The following ASB3 variants were observed in gnomAD, a reference collection of about 807,000 sequenced individuals.
The protein encoded by ASB3 is ankyrin repeat and SOCS box protein 3.
In ASB3, 41 loss-of-function variants were observed where a neutral mutation model predicts 54.5. The ratio of observed to expected loss-of-function variants is 0.75; its 90% CI spans 0.59 to 0.98. The LOEUF (loss-of-function observed/expected upper bound fraction) is 0.98. Among genes scored for constraint, ASB3 ranks in the 50% least tolerant of loss-of-function variants. ASB3 has a pLI of 0.00. For synonymous variants in ASB3, 266 were observed against 221.2 expected (o/e 1.20, Z -1.80); for missense variants, 733 against 620.0 (o/e 1.18, Z -1.94).
In ASB3 at chr2:53,706,192, T is replaced by C. The variant is rs574102766; in HGVS notation, c.981-5664A>G. Among the ~76,000 whole-genome samples, 5 of 152,306 alleles carry C rather than the reference T, an allele frequency of 3.3e-5. No individual in the cohort carries two copies. In the East Asian group the frequency reaches 9.6e-4, roughly 29 times the overall value. ...CCCAAAGTCACACAGCCATTATACATCTGTGACTCATCCAAGCCCAAGAAT... is the reference window on the plus strand; with the variant it reads ...CCCAAAGTCACACAGCCATTATACACCTGTGACTCATCCAAGCCCAAGAAT... On this transcript the variant is annotated intron_variant, in intron 7 of 9. Coordinates refer to ENST00000263634, the MANE Select transcript of ASB3 (RefSeq NM_016115.5).
intron 2 of ASB3, chr2:53,757,007 C>G (rs1466904099): frequency 5.9e-6 from 1 of 168,156 alleles, no homozygotes; most frequent in Non-Finnish European, 1.2e-5. Flanking sequence ...AGGTCAAGAA[C>G]CCGAGGTCAG....
At chr2:53,736,499 C>T (rs956343730) in intron 3 of ASB3, among the ~76,000 whole-genome samples, 4 of 150,872 alleles carry the variant, frequency 2.7e-5, no homozygotes, top group African/African-American at 9.8e-5. Context: ...GAAATCGAGA[C>T]CATCCTGGCT....
intron 3 of ASB3, among the ~76,000 whole-genome samples, chr2:53,730,629 CCA>C (rs1671253708): frequency 1.3e-5 from 2 of 152,230 alleles, no homozygotes; most frequent in South Asian, 2.1e-4. Flanking sequence ...ATACCGCTTT[CCA>C]CAATGGTTGA....
intron 5 of ASB3, among the ~76,000 whole-genome samples, chr2:53,726,241 A>T (rs1441719045): frequency 6.6e-6 from 1 of 151,276 alleles, no homozygotes; most frequent in African/African-American, 2.4e-5. Flanking sequence ...GGTGCAGTTT[A>T]ATCTATTTAA....
At chr2:53,736,116 C>T (rs1307178039) in intron 3 of ASB3, among the ~76,000 whole-genome samples, 5 of 151,632 alleles carry the variant, frequency 3.3e-5, no homozygotes, top group Non-Finnish European at 7.4e-5. Context: ...AATTGGACCA[C>T]GTTAAAATTA....
chr2:53,710,840 G>A (rs567378253), intron 7 of ASB3, among the ~76,000 whole-genome samples: 20 of 152,092 alleles, frequency 1.3e-4, no homozygotes, highest in Non-Finnish European at 2.6e-4. Context: ...TCAACATTTT[G>A]GGTTGGCTGG....
chr2:53,686,704 C>CTTATTTAT (rs35080752), intron 9 of ASB3, among the ~76,000 whole-genome samples: 1 of 151,952 alleles, frequency 6.6e-6, no homozygotes, highest in Non-Finnish European at 1.5e-5. Context: ...ATAATTTCTC[C>CTTATTTAT]TTATTTATTT....
chr2:53,721,372 G>A (rs1232056288), intron 5 of ASB3, among the ~76,000 whole-genome samples: 4 of 142,920 alleles, frequency 2.8e-5, no homozygotes, highest in Non-Finnish European at 6.0e-5. Context: ...CTGGAAATGT[G>A]GTGAAACCCC....
At chr2:53,703,399 C>G (rs1000844117) in intron 7 of ASB3, among the ~76,000 whole-genome samples, 2 of 152,080 alleles carry the variant, frequency 1.3e-5, no homozygotes, top group Non-Finnish European at 2.9e-5. Context: ...AGAATACCTA[C>G]CAAAAATGTT....
chr2:53,686,738 CAG>C (rs1261998982), intron 9 of ASB3, among the ~76,000 whole-genome samples: 36 of 152,142 alleles, frequency 2.4e-4, no homozygotes, highest in African/African-American at 8.2e-4. Flanking sequence ...CTGAGAGAGA[CAG>C]AGTTTCATTC....
intron 1 of ASB3, among the ~76,000 whole-genome samples, 177 bp from the exon 2 acceptor site, chr2:53,765,762 T>C (rs1430582603): frequency 1.3e-5 from 2 of 152,214 alleles, no homozygotes; most frequent in Non-Finnish European, 2.9e-5. Context: ...AGCAGGAAGT[T>C]TCTCTGTTTG....
At chr2:53,681,461 G>C (rs1668367749) in intron 9 of ASB3, among the ~76,000 whole-genome samples, 1 of 152,152 alleles carries the variant, frequency 6.6e-6, no homozygotes, top group African/African-American at 2.4e-5. Flanking sequence ...CAATGTACTA[G>C]AGAGTTTCCC....
At chr2:53,759,418 T>C (rs1673015974) in intron 2 of ASB3, among the ~76,000 whole-genome samples, 1 of 152,124 alleles carries the variant, frequency 6.6e-6, no homozygotes, top group Admixed American at 6.5e-5. Flanking sequence ...GGCCAACTAA[T>C]CTTAAAGGAT....
chr2:53,714,359 AT>A, intron 7 of ASB3, 24 bp downstream of exon 7: 1 of 1,607,334 alleles, frequency 6.2e-7, no homozygotes, highest in East Asian at 2.2e-5. Flanking sequence ...AGAATAAAAA[AT>A]AAAAACATAG....
intron 2 of ASB3, among the ~76,000 whole-genome samples, chr2:53,756,134 C>A (rs1457686285): frequency 6.6e-6 from 1 of 152,012 alleles, no homozygotes; most frequent in Non-Finnish European, 1.5e-5. Flanking sequence ...CCACTGTACT[C>A]CAGCTTGAGC....
chr2:53,756,221 A>G (rs754300203), intron 2 of ASB3, among the ~76,000 whole-genome samples: 1 of 152,158 alleles, frequency 6.6e-6, no homozygotes, highest in Non-Finnish European at 1.5e-5. Flanking sequence ...TAGAACTTCC[A>G]AAGGGAAATC....
At chr2:53,703,349 C>T (rs995953376) in intron 7 of ASB3, among the ~76,000 whole-genome samples, 1 of 152,196 alleles carries the variant, frequency 6.6e-6, no homozygotes, top group African/African-American at 2.4e-5. Flanking sequence ...TTTCCATCAT[C>T]CCTGGGAGTG....
At chr2:53,674,803 T>C (rs762018867) in intron 9 of ASB3, among the ~76,000 whole-genome samples, 1 of 152,178 alleles carries the variant, frequency 6.6e-6, no homozygotes, top group Non-Finnish European at 1.5e-5. Context: ...ACTTGTGTTG[T>C]CTCTCTCATT....
intron 4 of ASB3, 70 bp downstream of exon 4, chr2:53,729,388 T>C (rs1242089543): frequency 7.9e-6 from 12 of 1,521,412 alleles, no homozygotes; most frequent in African/African-American, 1.4e-5. Flanking sequence ...AAAAACTGCA[T>C]AGGACTGTCA....
Sources: allele counts gnomAD v4.1 joint callset (sites outside exome capture counted in the v4.1 genomes callset), GRCh38; gene constraint gnomAD v4.1.1; transcripts MANE v1.5; gene names NCBI Gene and HGNC (gene_info 2026-07-23, HGNC 2026-07-21).